The following KSR1 variants were observed in gnomAD, a reference collection of about 807,000 sequenced individuals.
The protein encoded by KSR1 is kinase suppressor of ras.
KSR1 carries 35 observed loss-of-function variants against 92.9 expected under a neutral mutation model. The observed-to-expected ratio is 0.38, with a 90% CI of 0.29 to 0.50. The LOEUF (loss-of-function observed/expected upper bound fraction) is 0.50, where lower values mean the gene tolerates loss of function less well. KSR1 is among the 20% of genes least tolerant of loss of function. KSR1 has a pLI of 0.94. For missense variants in KSR1, 972 were observed against 1,158.5 expected (o/e 0.84, Z 2.34); for synonymous variants, 467 against 472.6 (o/e 0.99, Z 0.15).
intron 1 of KSR1, among the ~76,000 whole-genome samples, chr17:27,522,460 C>T (rs897972254): frequency 2.0e-5 from 3 of 152,180 alleles, no homozygotes; most frequent in Non-Finnish European, 4.4e-5. Context: ...CAACTTGGCC[C>T]CTCTCTCTGC....
intron 5 of KSR1, among the ~76,000 whole-genome samples, chr17:27,586,217 C>G (rs886512806): frequency 7.9e-5 from 12 of 152,310 alleles, no homozygotes; most frequent in African/African-American, 2.9e-4. Flanking sequence ...GACCCCCTTT[C>G]CCACCCCCAC....
intron 1 of KSR1, chr17:27,526,857 T>C (rs1341215641): frequency 4.3e-6 from 3 of 693,722 alleles, no homozygotes; most frequent in Non-Finnish European, 7.7e-6. Context: ...AGGAGTGCTC[T>C]GCAGGAAGTA....
intron 1 of KSR1, 31 bp from the exon 2 acceptor site, chr17:27,550,537 C>T (rs1271677065): frequency 1.3e-6 from 1 of 762,242 alleles, no homozygotes; most frequent in African/African-American, 1.7e-5. Context: ...TGCAGATGAA[C>T]ACAGGCTTTT....
intron 18 of KSR1, among the ~76,000 whole-genome samples, chr17:27,616,241 G>T (rs1449457996): frequency 6.6e-6 from 1 of 151,904 alleles, no homozygotes; most frequent in Non-Finnish European, 1.5e-5. Context: ...GTTTACTTTT[G>T]TGGAAATCCC....
chr17:27,484,910 A>T (rs1444584152), intron 1 of KSR1, among the ~76,000 whole-genome samples: 2 of 152,216 alleles, frequency 1.3e-5, no homozygotes, highest in Non-Finnish European at 2.9e-5. Flanking sequence ...GAGCTTTATT[A>T]GGAAGTGTAT....
At chr17:27,617,090 TC>T (rs1232021155) in intron 18 of KSR1, among the ~76,000 whole-genome samples, 1 of 152,138 alleles carries the variant, frequency 6.6e-6, no homozygotes, top group African/African-American at 2.4e-5. Context: ...TGAGGTAATC[TC>T]ATGCATTCCA....
intron 5 of KSR1, 127 bp downstream of exon 5, chr17:27,585,788 A>C (rs1350156632): frequency 7.0e-6 from 5 of 712,012 alleles, no homozygotes; most frequent in Non-Finnish European, 1.3e-5. Flanking sequence ...CCAGAAGCAG[A>C]GGTGCTGGTG....
In KSR1 at chr17:27,577,956, C is replaced by T; in HGVS notation, c.520+317C>T. On this transcript the variant is annotated intron_variant, in intron 3 of 20. Transcript: ENST00000644974. The surrounding 1 kb of genome is among the most constrained non-coding windows in gnomAD (Gnocchi z 4.5). ...GCTCTGTGTACCCTCTGCCAGCTTC[C>T]CACATTCCAGCCCCCAGCCCTCTCC... The T allele has an allele frequency of 2.2e-6, 1 of 461,314 alleles. No individual in the cohort carries two copies. Among genetic ancestry groups the T allele is most frequent in the Non-Finnish European group, 4.0e-6 (1 of 248,568 alleles). 28.6% of individuals were successfully genotyped at this position (461,314 alleles called of 1,614,324 possible). A position where few individuals can be genotyped will look rare whatever the true frequency, so the allele number is the denominator to read the frequency against.
chr17:27,620,075 C>T (rs1251428370), intron 19 of KSR1, among the ~76,000 whole-genome samples: 2 of 152,232 alleles, frequency 1.3e-5, no homozygotes, highest in East Asian at 3.9e-4. Flanking sequence ...AGTTTTCTCT[C>T]CTGCAGAAGT....
At chr17:27,529,261 T>A (rs2070442413) in intron 1 of KSR1, among the ~76,000 whole-genome samples, 1 of 152,208 alleles carries the variant, frequency 6.6e-6, no homozygotes, top group East Asian at 1.9e-4. Flanking sequence ...CTCATATGAT[T>A]AAGTACACTG....
chr17:27,502,994 A>G (rs985025009), intron 1 of KSR1, among the ~76,000 whole-genome samples: 5 of 152,168 alleles, frequency 3.3e-5, no homozygotes, highest in Non-Finnish European at 7.3e-5. Flanking sequence ...ACCATTTACC[A>G]TGTGCCTGGG....
chr17:27,482,799 G>A (rs1404623044), intron 1 of KSR1, among the ~76,000 whole-genome samples: 1 of 152,260 alleles, frequency 6.6e-6, no homozygotes, highest in East Asian at 1.9e-4. Flanking sequence ...TGGAGGGAAA[G>A]TGAAGGAAAT....
intron 1 of KSR1, among the ~76,000 whole-genome samples, chr17:27,486,601 C>G (rs1045951622): frequency 1.3e-5 from 2 of 152,176 alleles, no homozygotes; most frequent in African/African-American, 4.8e-5. Context: ...GCAGCAGCCC[C>G]GGGGATGGGG....
intron 3 of KSR1, chr17:27,579,528 A>G (rs915754597): frequency 2.6e-5 from 4 of 152,188 alleles, no homozygotes; most frequent in African/African-American, 4.8e-5. Flanking sequence ...TGTGAGGCCT[A>G]TGAGGTGATA....
intron 19 of KSR1, among the ~76,000 whole-genome samples, chr17:27,619,995 G>T (rs2074179090): frequency 6.6e-6 from 1 of 152,222 alleles, no homozygotes; most frequent in African/African-American, 2.4e-5. Flanking sequence ...ACCGCGCCCG[G>T]CCTTCGGGCC....
chr17:27,576,673 G>C (rs1273041697), intron 2 of KSR1, among the ~76,000 whole-genome samples: 1 of 152,162 alleles, frequency 6.6e-6, no homozygotes, highest in Non-Finnish European at 1.5e-5. Flanking sequence ...GATGGAGCTG[G>C]ATGGCGCAAG....
intron 1 of KSR1, among the ~76,000 whole-genome samples, chr17:27,523,725 A>C (rs2070135735): frequency 6.6e-6 from 1 of 152,176 alleles, no homozygotes; most frequent in Admixed American, 6.5e-5. Context: ...CTTCCAGCTC[A>C]CCCTTCTGCC....
intron 1 of KSR1, among the ~76,000 whole-genome samples, chr17:27,494,527 C>A (rs562121932): frequency 6.6e-6 from 1 of 152,216 alleles, no homozygotes; most frequent in South Asian, 2.1e-4. Flanking sequence ...TTAAATGGAC[C>A]CAGGGTGTCA....
rs758805292 is a variant in KSR1 at position 27,582,766 on chromosome 17, A to G, written c.641A>G (p.Gln214Arg). ...CTGCCCTGGCCCCCAGGGAGCTCCC[A>G]GCTGGGCAGAGCAGGCAACAGCGCC... ...ASLPWPPGSS[Q>R]LGRAGNSAQG... The change falls in exon 4 of 21, where the codon CAG becomes CGG. Residue 214 changes from glutamine (Q) to arginine (R), a missense_variant. This residue lies in a region of KSR1 where 611 missense variants were observed against 668.0 expected (regional missense o/e 0.91). Coordinates refer to ENST00000644974, the MANE Select transcript of KSR1 (RefSeq NM_001394583.1). 4 of 1,613,720 alleles carry G rather than the reference A, an allele frequency of 2.5e-6. No individual in the cohort carries two copies. In the South Asian group the frequency reaches 4.4e-5, roughly 18 times the overall value.
Sources: gnomAD v4.1 joint callset for allele counts (sites outside exome capture counted in the v4.1 genomes callset) on GRCh38, gnomAD v4.1.1 for gene constraint, gnomAD v4.1.1 regional missense constraint, Gnocchi (gnomAD v3.1) non-coding constraint, MANE v1.5 for transcripts, NCBI Gene and HGNC (gene_info 2026-07-23, HGNC 2026-07-21) for gene names.